The following MGAM variants were observed in gnomAD, a reference collection of about 807,000 sequenced individuals.
The protein encoded by MGAM is alpha-1,4-glucosidase.
Under a neutral mutation model 358.8 loss-of-function variants are expected in MGAM, and 253 were observed. That is an observed-to-expected ratio of 0.71 (90% confidence interval 0.64 to 0.78). The LOEUF (loss-of-function observed/expected upper bound fraction) is 0.78. Ranked by LOEUF, MGAM falls within the 30% of genes least tolerant of loss-of-function variation. The pLI, the probability that MGAM is intolerant of heterozygous loss-of-function variation, is 0.00. For synonymous variants in MGAM, 1,105 were observed against 1,227.1 expected, an observed-to-expected ratio of 0.90 and a Z score of 2.08; for missense variants, 3,080 against 3,432.6, an observed-to-expected ratio of 0.90 and a Z score of 2.57.
At chr7:142,040,047 A>G in intron 19 of MGAM, 68 bp from the exon 20 acceptor site, 1 of 1,217,080 alleles carries the variant, frequency 8.2e-7, no homozygotes, top group Non-Finnish European at 1.2e-6. Flanking sequence ...TGATTAAGAA[A>G]TTCCCTAGAG....
intron 25 of MGAM, 33 bp downstream of exon 25, chr7:142,052,479 A>T (rs769230442): frequency 1.2e-6 from 2 of 1,610,518 alleles, no homozygotes; most frequent in East Asian, 4.5e-5. Flanking sequence ...TGTGCATGAG[A>T]ATCTCCACAC....
intron 19 of MGAM, among the ~76,000 whole-genome samples, chr7:142,039,625 T>C (rs114886371): frequency 0.025 from 3,767 of 152,208 alleles, 159 homozygotes; most frequent in African/African-American, 0.086. Context: ...TGGATTCTCA[T>C]AGCAGATCCT....
In MGAM at chr7:142,050,721, C is replaced by A. The variant is rs1810866113; in HGVS notation, c.2662C>A (p.Gln888Lys). The change falls in exon 24 of 71, where the codon CAA becomes AAA. Residue 888 changes from glutamine (Q) to lysine (K), a missense_variant. This residue lies in a region of MGAM where 1,816 missense variants were observed against 1,840.5 expected (regional missense o/e 0.99). Coordinates refer to ENST00000475668, the MANE Select transcript of MGAM (RefSeq NM_001365693.1). ...TQNRLEVNISQSTYKDPNNLA... is the reference protein window; with the variant it reads ...TQNRLEVNISKSTYKDPNNLA... ...GAACCGCTTGGAGGTGAATATTTCA[C>A]AATCAACCTACAAGGACCCCAATAA... 2 of 1,613,634 alleles carry A rather than the reference C, an allele frequency of 1.2e-6. No homozygotes were observed. The highest frequency in any genetic ancestry group is 3.3e-5 in the Admixed American group (2 of 59,988).
rs1806398433 is a variant in MGAM at position 142,020,997 on chromosome 7, C to T, written c.472C>T (p.Leu158=). The change falls in exon 5 of 71, where the codon CTG becomes TTG. Residue 158 remains leucine, a synonymous_variant. Transcript: ENST00000475668. The part of the protein sequence containing the change: ...NAGFTARLKN[L]PSSPVFGSNV... ...AGGATTCACAGCCCGGTTGAAAAAT[C>T]TGCCTTCTTCACCAGTGTTTGGAAG... The T allele has an allele frequency of 6.2e-7, 1 of 1,613,268 alleles. No homozygotes were observed.
At chr7:141,988,825 A>G (rs59593618) in intron 2 of MGAM, among the ~76,000 whole-genome samples, 1,559 of 152,284 alleles carry the variant, frequency 0.01, 23 homozygotes, top group African/African-American at 0.032. Context: ...CAAGACAAGG[A>G]AATGCTGTAA....
chr7:142,061,345 A>T (rs60263871), intron 34 of MGAM, among the ~76,000 whole-genome samples: 1,832 of 152,076 alleles, frequency 0.012, 34 homozygotes, highest in Middle Eastern at 0.041. Context: ...TGGAGCTCTC[A>T]GTTTCTGGTG....
rs538295251 is a variant in MGAM at position 142,056,321 on chromosome 7, A to G, written c.3580+225A>G. On this transcript the variant is annotated intron_variant, in intron 29 of 70. Coordinates refer to ENST00000475668, the MANE Select transcript of MGAM (RefSeq NM_001365693.1). Reference sequence around the variant, plus strand: ...TTTGGTAAAAATCACATAAGAAGGGATAGTAACACCACATGGGTCCCAAAT... The same window carrying G: ...TTTGGTAAAAATCACATAAGAAGGGGTAGTAACACCACATGGGTCCCAAAT... 3.9e-5 allele frequency among the ~76,000 whole-genome samples: 6 copies of G among 152,338 alleles called. No homozygotes were observed. In the South Asian group the frequency reaches 1.0e-3, roughly 26 times the overall value.
chr7:142,074,189 A>G lies in MGAM; in HGVS notation c.5275+16A>G, dbSNP rs1312550836. On this transcript the variant is annotated intron_variant, in intron 45 of 70. Coordinates refer to ENST00000475668, the MANE Select transcript of MGAM (RefSeq NM_001365693.1). ...CAAACAAAGGGTGAGCGCTGTTACA[A>G]TAATGTTGCTGTTTCCCAACCTGCG... 1 of 1,486,274 alleles carries G rather than the reference A, an allele frequency of 6.7e-7. No individual in the cohort carries two copies. The highest frequency in any genetic ancestry group is 9.3e-7 in the Non-Finnish European group (1 of 1,079,844). 92.1% of individuals were successfully genotyped at this position (1,486,274 alleles called of 1,614,324 possible).
chr7:142,097,642 A>G lies in MGAM; in HGVS notation c.7742A>G (p.Tyr2581Cys), dbSNP rs763977407. The G allele has an allele frequency of 1.2e-5, 19 of 1,607,748 alleles. No individual in the cohort carries two copies. The highest frequency in any genetic ancestry group is 1.6e-5 in the Non-Finnish European group (19 of 1,174,974). ...TTCCCTAGAGCCCGCTGGTATGATT[A>G]CTACACGGTAAGTTTTTCTGAATGT... Reference protein sequence around the residue: ...AYFPRARWYDYYTGVDINARG... With the variant: ...AYFPRARWYDCYTGVDINARG... The change falls in exon 66 of 71, where the codon TAC becomes TGC. Residue 2581 changes from tyrosine (Y) to cysteine (C), a missense_variant. Coordinates refer to ENST00000475668, the MANE Select transcript of MGAM (RefSeq NM_001365693.1).
rs747153890 is a variant in MGAM, at chr7:142,059,562, C to T, written c.3910C>T (p.Arg1304Cys). The change falls in exon 32 of 71, where the codon CGC (arginine) becomes TGC (cysteine). Residue 1304 changes from arginine (R) to cysteine (C), a missense_variant. This residue lies in a region of MGAM where 1,816 missense variants were observed against 1,840.5 expected (regional missense o/e 0.99). Transcript: ENST00000475668. ...KFAGFPALIN[R>C]MKADGMRVIL... Reference sequence around the variant, plus strand: ...TGCTGGGTTTCCAGCTCTGATCAATCGCATGAAGGCTGATGGGATGCGGGT... The same window carrying T: ...TGCTGGGTTTCCAGCTCTGATCAATTGCATGAAGGCTGATGGGATGCGGGT... The T allele has an allele frequency of 1.1e-5, 18 of 1,612,710 alleles. No individual in the cohort carries two copies. The highest frequency in any genetic ancestry group is 3.3e-5 in the Admixed American group (2 of 59,934).
chr7:142,050,165 G>C, intron 22 of MGAM, 70 bp from the exon 23 acceptor site: 1 of 1,471,948 alleles, frequency 6.8e-7, no homozygotes, highest in Middle Eastern at 1.7e-4. Context: ...GCTGAAAGGA[G>C]TGGTAGGGTG....
In MGAM at chr7:142,050,696, G is replaced by T; in HGVS notation, c.2638-1G>T. On this transcript the variant is annotated splice_acceptor_variant, in intron 23 of 70. Coordinates refer to ENST00000475668, the MANE Select transcript of MGAM (RefSeq NM_001365693.1). LOFTEE classifies it high-confidence loss of function. ...CATACTTGGACTTAATTGTTTTGCAGAACCGCTTGGAGGTGAATATTTCAC... is the reference window on the plus strand; with the variant it reads ...CATACTTGGACTTAATTGTTTTGCATAACCGCTTGGAGGTGAATATTTCAC... 6.2e-7 allele frequency: 1 copy of T among 1,612,734 alleles called. No individual in the cohort carries two copies. Among genetic ancestry groups the T allele is most frequent in the East Asian group, 2.2e-5 (1 of 44,826 alleles).
chr7:142,060,408 G>A (rs755779641), intron 34 of MGAM, 35 bp downstream of exon 34: 3 of 1,607,622 alleles, frequency 1.9e-6, no homozygotes, highest in Non-Finnish European at 2.6e-6. Context: ...GTGGAGTCAG[G>A]GTTTGTAGGC....
In MGAM at chr7:142,092,149, A is replaced by G; in HGVS notation, c.6945+102A>G. On this transcript the variant is annotated intron_variant, in intron 58 of 70. Coordinates refer to ENST00000475668, the MANE Select transcript of MGAM (RefSeq NM_001365693.1). ...TCAGTCAAGAGGATAGTCATTGTCC[A>G]AGGAAGACTTTGGACATATCAGACA... 2.1e-6 allele frequency: 3 copies of G among 1,422,176 alleles called. 1 individual carries two copies. In the South Asian group the frequency reaches 4.1e-5, roughly 20 times the overall value. 88.1% of individuals were successfully genotyped at this position (1,422,176 alleles called of 1,614,324 possible).
Position 142,027,203 on chromosome 7 carries a change from G to A in MGAM, c.1071G>A (p.Glu357=). The change falls in exon 9 of 71, where the codon GAG becomes GAA. Residue 357 remains glutamate (E), a synonymous_variant. Transcript: ENST00000475668. ...ATGTGTTCTTGGGAAACACTCCAGA[G>A]CAAGTTGTTCAAGAATATCTAGAGG... ...DFYVFLGNTP[E]QVVQEYLELI... 6.2e-7 allele frequency: 1 copy of A among 1,613,072 alleles called. No individual in the cohort carries two copies. The highest frequency in any genetic ancestry group is 2.2e-5 in the East Asian group (1 of 44,874).
intron 21 of MGAM, among the ~76,000 whole-genome samples, chr7:142,042,635 T>C (rs1255612529): frequency 1.6e-5 from 1 of 61,396 alleles, no homozygotes; most frequent in South Asian, 5.1e-4. Context: ...ACATATTATA[T>C]ATAATATATA....
At chr7:142,023,458 CACAT>C (rs1554459793) in intron 7 of MGAM, among the ~76,000 whole-genome samples, 1 of 151,986 alleles carries the variant, frequency 6.6e-6, no homozygotes, top group Non-Finnish European at 1.5e-5. Flanking sequence ...CACACACACA[CACAT>C]ACATGTTTGT....
rs150800499 is a variant in MGAM, at chr7:142,017,525, A to T, written c.328-1674A>T. ...ATTCCTTGCTCTTTTGGCCACTCTG[A>T]TCTTTGTCCTTTCCAGTTTAATGGA... On this transcript the variant is annotated intron_variant, in intron 3 of 70. Coordinates refer to ENST00000475668, the MANE Select transcript of MGAM (RefSeq NM_001365693.1). Among the ~76,000 whole-genome samples the T allele has an allele frequency of 2.6e-3, 402 of 152,256 alleles. 3 individuals are homozygous for T. Among genetic ancestry groups the T allele is most frequent in the African/African-American group, 9.0e-3 (375 of 41,552 alleles).
At chr7:142,008,197 G>A (rs1218911458) in intron 2 of MGAM, among the ~76,000 whole-genome samples, 1 of 152,160 alleles carries the variant, frequency 6.6e-6, no homozygotes, top group Admixed American at 6.5e-5. Context: ...CATAGTTACT[G>A]ACCCCTAGAC....
Sources: gnomAD v4.1 joint callset for allele counts (sites outside exome capture counted in the v4.1 genomes callset) on GRCh38, gnomAD v4.1.1 for gene constraint, gnomAD v4.1.1 regional missense constraint, MANE v1.5 for transcripts, NCBI Gene and HGNC (gene_info 2026-07-23, HGNC 2026-07-21) for gene names.